The following HIP1 variants were observed in gnomAD, a reference collection of about 807,000 sequenced individuals.
HIP1 encodes huntingtin-interacting protein 1.
In HIP1, 65 loss-of-function variants were observed where a neutral mutation model predicts 147.6. The ratio of observed to expected loss-of-function variants is 0.44; its 90% confidence interval spans 0.36 to 0.54. The LOEUF (loss-of-function observed/expected upper bound fraction) is 0.54, where lower values mean the gene tolerates loss of function less well. HIP1 is among the 20% of genes least tolerant of loss of function. The pLI is 0.00. For synonymous variants in HIP1, 479 were observed against 504.0 expected, an observed-to-expected ratio of 0.95 and a Z score of 0.67; for missense variants, 1,061 against 1,299.6, an observed-to-expected ratio of 0.82 and a Z score of 2.82.
Position 75,688,490 on chromosome 7 carries a change from C to T in HIP1, c.120+50311G>A, listed in dbSNP as rs146051735. Among the ~76,000 whole-genome samples the T allele has an allele frequency of 1.1e-4, 16 of 152,204 alleles. No homozygotes were observed. In the East Asian group the frequency reaches 2.3e-3, roughly 22 times the overall value. On this transcript the variant is annotated intron_variant, in intron 1 of 30. Transcript: ENST00000336926. ...GGTGGGGGACGGGCAGGCAGCCAAG[C>T]GCACAAGTGCAGCCCGGCTGACAGG... is the stretch of plus-strand genomic sequence containing the variant.
chr7:75,564,726 CTGGGAGTACAGGTG>C (rs1795345277), intron 9 of HIP1, among the ~76,000 whole-genome samples: 1 of 151,672 alleles, frequency 6.6e-6, no homozygotes, highest in Non-Finnish European at 1.5e-5. Context: ...CTCCAAGTAG[CTGGGAGTACAGGTG>C]TGTGCCACCA....
intron 8 of HIP1, among the ~76,000 whole-genome samples, chr7:75,572,459 T>C (rs1178164228): frequency 1.3e-5 from 2 of 152,146 alleles, no homozygotes; most frequent in Non-Finnish European, 2.9e-5. Flanking sequence ...CTAGGCCAGG[T>C]CTGCTGATAT....
intron 1 of HIP1, among the ~76,000 whole-genome samples, chr7:75,628,475 C>CTTT (rs71098044): frequency 1.8e-4 from 24 of 132,616 alleles, no homozygotes; most frequent in African/African-American, 2.3e-4. Context: ...TCCTGTACCT[C>CTTT]TTTTTTTTTT....
rs372020171 is a variant in HIP1, at chr7:75,578,138, C to T, written c.604+3099G>A. Among the ~76,000 whole-genome samples the T allele has an allele frequency of 5.4e-4, 82 of 152,300 alleles. 1 individual carries two copies. Among genetic ancestry groups the T allele is most frequent in the African/African-American group, 1.6e-3 (67 of 41,568 alleles). ...TCCTTTTGGACCTCATCACCATCTC[C>T]GCTTACTCATGGTCCACGGTCTGTC... On this transcript the variant is annotated intron_variant, in intron 7 of 30. Transcript: ENST00000336926.
At chr7:75,694,474 C>A (rs1800566879) in intron 1 of HIP1, among the ~76,000 whole-genome samples, 4 of 148,710 alleles carry the variant, frequency 2.7e-5, no homozygotes, top group Non-Finnish European at 1.5e-5. Context: ...TAGATTGATT[C>A]TTTCTTTTTT....
chr7:75,672,034 CA>C (rs1799743465), intron 1 of HIP1, among the ~76,000 whole-genome samples: 1 of 152,120 alleles, frequency 6.6e-6, no homozygotes, highest in Non-Finnish European at 1.5e-5. Flanking sequence ...TGTGCCTGGC[CA>C]ATTTTCATGT....
chr7:75,674,184 C>G (rs1290609461), intron 1 of HIP1, among the ~76,000 whole-genome samples: 6 of 152,102 alleles, frequency 3.9e-5, no homozygotes, highest in Admixed American at 6.6e-5. Context: ...CTTATTTCTT[C>G]TTGCTTAACT....
At chr7:75,662,524 G>A (rs1168428299) in intron 1 of HIP1, among the ~76,000 whole-genome samples, 1 of 151,938 alleles carries the variant, frequency 6.6e-6, no homozygotes, top group Non-Finnish European at 1.5e-5. Flanking sequence ...ATTTATTTTT[G>A]AGACAGCGTC....
chr7:75,664,134 G>A (rs369419487), intron 1 of HIP1, among the ~76,000 whole-genome samples: 6 of 33,476 alleles, frequency 1.8e-4, no homozygotes, highest in Admixed American at 1.1e-3. Flanking sequence ...ACACACATGT[G>A]TGTACATACA....
At chr7:75,708,417 T>C (rs1554519894) in intron 1 of HIP1, among the ~76,000 whole-genome samples, 1 of 152,168 alleles carries the variant, frequency 6.6e-6, no homozygotes, top group Non-Finnish European at 1.5e-5. Context: ...AGCTCAGAAA[T>C]CAATGCCAAA....
At chr7:75,664,523 T>TATAC (rs1799494968) in intron 1 of HIP1, among the ~76,000 whole-genome samples, 1 of 150,480 alleles carries the variant, frequency 6.6e-6, no homozygotes, top group South Asian at 2.1e-4. Flanking sequence ...TATGTATACG[T>TATAC]ATACATACAT....
At chr7:75,640,609 C>T (rs1265384072) in intron 1 of HIP1, among the ~76,000 whole-genome samples, 4 of 151,802 alleles carry the variant, frequency 2.6e-5, no homozygotes, top group South Asian at 4.2e-4. Context: ...AAAAATTAGC[C>T]GGGTGGGGTG....
At chr7:75,571,495 A>C (rs1554496629) in intron 8 of HIP1, among the ~76,000 whole-genome samples, 1 of 152,124 alleles carries the variant, frequency 6.6e-6, no homozygotes, top group Non-Finnish European at 1.5e-5. Context: ...GCGATGCTAC[A>C]CCCTTCCCTT....
At chr7:75,639,562 CGTGTGTGTGTGTGTGTGT>C (rs57827695) in intron 1 of HIP1, among the ~76,000 whole-genome samples, 22 of 137,468 alleles carry the variant, frequency 1.6e-4, no homozygotes, top group African/African-American at 5.0e-4. Flanking sequence ...CGCCAGGAAG[CGTGTGTGTGTGTGTGTGT>C]GTGTGTGTGT....
At chr7:75,541,185 A>C (rs1394334466) in intron 29 of HIP1, among the ~76,000 whole-genome samples, 4 of 152,062 alleles carry the variant, frequency 2.6e-5, no homozygotes, top group Non-Finnish European at 4.4e-5. Context: ...TCACAAGGTC[A>C]GGAGTTTGAG....
At chr7:75,638,077 C>A (rs528251174) in intron 1 of HIP1, among the ~76,000 whole-genome samples, 18 of 150,630 alleles carry the variant, frequency 1.2e-4, no homozygotes, top group Admixed American at 8.6e-4. Flanking sequence ...ATTGCCTCCC[C>A]CCTCCCAAGA....
Position 75,602,027 on chromosome 7 carries a change from G to A in HIP1, c.121-2780C>T, listed in dbSNP as rs587620142. On this transcript the variant is annotated intron_variant, in intron 1 of 30. Transcript: ENST00000336926. Reference sequence around the variant, plus strand: ...TTTTTTTTTTTTCTGTTTAGACAGAGTCTCACTCTGTTGCCCAGGCTGGAG... The same window carrying A: ...TTTTTTTTTTTTCTGTTTAGACAGAATCTCACTCTGTTGCCCAGGCTGGAG... Among the ~76,000 whole-genome samples, 57 of 149,048 alleles carry A rather than the reference G, an allele frequency of 3.8e-4. No individual in the cohort carries two copies. The South Asian group carries it at 0.012, about 31-fold the overall frequency.
At chr7:75,549,144 T>G in intron 22 of HIP1, 143 bp from the exon 23 acceptor site, 1 of 613,624 alleles carries the variant, frequency 1.6e-6, no homozygotes, top group Non-Finnish European at 2.9e-6. Flanking sequence ...GGGGGGGTCT[T>G]TTGCAGACCC....
At chr7:75,597,500 G>A (rs1360595208) in intron 2 of HIP1, among the ~76,000 whole-genome samples, 4 of 152,110 alleles carry the variant, frequency 2.6e-5, no homozygotes, top group Admixed American at 2.6e-4. Flanking sequence ...AGCACTTTGG[G>A]AGGCCAAGGC....
Sources: allele counts gnomAD v4.1 joint callset (sites outside exome capture counted in the v4.1 genomes callset), GRCh38; gene constraint gnomAD v4.1.1; transcripts MANE v1.5; gene names NCBI Gene and HGNC (gene_info 2026-07-23, HGNC 2026-07-21).